The following MTUS1 variants were observed in gnomAD, a reference collection of about 807,000 sequenced individuals.
The protein encoded by MTUS1 is microtubule-associated tumor suppressor 1.
In MTUS1, 109 loss-of-function variants were observed where a neutral mutation model predicts 120.8. The observed-to-expected ratio is 0.90, with a 90% confidence interval of 0.77 to 1.06. The LOEUF (loss-of-function observed/expected upper bound fraction) is 1.06, where lower values mean the gene tolerates loss of function less well. MTUS1 is among the 50% of genes least tolerant of loss of function. The probability of loss-of-function intolerance (pLI) is 0.00; values close to 1 mark genes in which losing one functional copy is unlikely to be tolerated. For missense variants in MTUS1, 2,210 were observed against 1,486.3 expected (o/e 1.49, Z -8.01); for synonymous variants, 737 against 550.5 (o/e 1.34, Z -4.74).
chr8:17,799,071 C>G (rs1397092234), intron 1 of MTUS1, among the ~76,000 whole-genome samples: 1 of 151,456 alleles, frequency 6.6e-6, no homozygotes, highest in Non-Finnish European at 1.5e-5. Context: ...AATACGGTAA[C>G]ACCAGTATTC....
chr8:17,801,149 C>A (rs955966568), upstream of MTUS1, among the ~76,000 whole-genome samples: 1 of 151,736 alleles, frequency 6.6e-6, no homozygotes, highest in Non-Finnish European at 1.5e-5. Context: ...CGCCGAGAAC[C>A]CGCCCCGGAG....
chr8:17,656,144 C>T, intron 8 of MTUS1, 79 bp from the exon 9 acceptor site: 2 of 1,273,740 alleles, frequency 1.6e-6, no homozygotes, highest in Non-Finnish European at 2.3e-6. Context: ...TCACACACAG[C>T]TGTGATGACA....
chr8:17,801,015 C>G (rs1703123508), intron 1 of MTUS1, 46 bp downstream of exon 1: 1 of 152,376 alleles, frequency 6.6e-6, no homozygotes. Context: ...GTCCCCTCCC[C>G]ACCCCGGCCG....
chr8:17,753,634 C>T, intron 2 of MTUS1, 83 bp downstream of exon 2: 6 of 914,498 alleles, frequency 6.6e-6, no homozygotes, highest in Non-Finnish European at 9.7e-6. Context: ...ATATTATTGA[C>T]TAATAGATAA....
At chr8:17,761,207 G>A (rs2049013637) in intron 1 of MTUS1, among the ~76,000 whole-genome samples, 1 of 151,998 alleles carries the variant, frequency 6.6e-6, no homozygotes, top group Non-Finnish European at 1.5e-5. Context: ...CAAGCTTTGA[G>A]GTATAATTCC....
At chr8:17,759,385 T>A (rs2048868380) in intron 1 of MTUS1, among the ~76,000 whole-genome samples, 1 of 151,470 alleles carries the variant, frequency 6.6e-6, no homozygotes. Context: ...CACCTCAGCC[T>A]CCCGAGTAGC....
At chr8:17,676,519 T>G in intron 7 of MTUS1, 2 of 588,492 alleles carry the variant, frequency 3.4e-6, no homozygotes, top group South Asian at 4.2e-5. Context: ...TCACAGAAGC[T>G]GATACTGCAG....
intron 1 of MTUS1, among the ~76,000 whole-genome samples, chr8:17,769,903 CACACACACACACACACACACACACG>C (rs999682081): frequency 8.2e-6 from 1 of 122,450 alleles, no homozygotes; most frequent in South Asian, 4.1e-4. Context: ...CACACACACA[CACACACACACACACACACACACACG>C]GGGGGGGTTG....
intron 13 of MTUS1, among the ~76,000 whole-genome samples, chr8:17,648,563 T>C (rs1430713841): frequency 6.6e-6 from 1 of 152,226 alleles, no homozygotes; most frequent in Non-Finnish European, 1.5e-5. Flanking sequence ...GTATGTATAC[T>C]AGGTTGGCCC....
At chr8:17,678,842 C>T (rs929264135) in intron 7 of MTUS1, among the ~76,000 whole-genome samples, 7 of 151,808 alleles carry the variant, frequency 4.6e-5, no homozygotes, top group African/African-American at 1.7e-4. Context: ...AGAAAGCCAC[C>T]CAATAGACCC....
chr8:17,670,005 A>G (rs1055028735), intron 8 of MTUS1, among the ~76,000 whole-genome samples: 1 of 152,212 alleles, frequency 6.6e-6, no homozygotes, highest in African/African-American at 2.4e-5. Flanking sequence ...GTGGGACTTA[A>G]AACAGCAGCA....
rs762482493 is a variant in MTUS1, at chr8:17,754,387, A to G, written c.1421T>C (p.Leu474Pro). Residue 474 changes from leucine (L) to proline (P), a missense_variant, in exon 2 of 15, where the codon CTG becomes CCG. Physicochemically the swap from Leu to Pro is moderately conservative, Grantham distance 98 (BLOSUM62 -3). Transcript: ENST00000693296. ...TGATTTTCCTAAACTGGGTTTACAC[A>G]GGTTCACAGGTGCCTCCTTCGAGTC... is the stretch of plus-strand genomic sequence containing the variant. The part of the protein sequence containing the change: ...IPDSKEAPVN[L>P]CKPSLGKSTI... 6.2e-7 allele frequency: 1 copy of G among 1,614,054 alleles called. No individual in the cohort carries two copies. The highest frequency in any genetic ancestry group is 1.3e-5 in the African/African-American group (1 of 74,924).
At chr8:17,742,942 A>G (rs1334956170) in intron 3 of MTUS1, among the ~76,000 whole-genome samples, 2 of 152,190 alleles carry the variant, frequency 1.3e-5, no homozygotes, top group African/African-American at 4.8e-5. Context: ...AGATGTTCTC[A>G]GTCAATTGGA....
chr8:17,798,207 G>T (rs78632251), intron 1 of MTUS1, among the ~76,000 whole-genome samples: 74 of 152,260 alleles, frequency 4.9e-4, no homozygotes, highest in African/African-American at 1.7e-3. Context: ...AAAGGATGTT[G>T]TTCCTAATAG....
intron 14 of MTUS1, 62 bp from the exon 15 acceptor site, chr8:17,646,201 T>G: frequency 6.9e-7 from 1 of 1,457,506 alleles, no homozygotes; most frequent in Non-Finnish European, 9.1e-7. Flanking sequence ...TTGAAAAATT[T>G]TTCTTAGCGT....
At chr8:17,736,594 GT>G (rs201155999) in intron 3 of MTUS1, among the ~76,000 whole-genome samples, 4 of 151,428 alleles carry the variant, frequency 2.6e-5, no homozygotes, top group Non-Finnish European at 4.4e-5. Context: ...TTTTTTGCTT[GT>G]TTTTTTTGAG....
intron 2 of MTUS1, among the ~76,000 whole-genome samples, chr8:17,747,838 G>A (rs2047887510): frequency 6.6e-6 from 1 of 152,138 alleles, no homozygotes; most frequent in South Asian, 2.1e-4. Context: ...CGTGGCTGGG[G>A]AAGCCTCACA....
chr8:17,667,681 A>T (rs1419461186), intron 8 of MTUS1, among the ~76,000 whole-genome samples: 1 of 152,252 alleles, frequency 6.6e-6, no homozygotes, highest in Non-Finnish European at 1.5e-5. Flanking sequence ...ATAGTTTTCC[A>T]ATCTTTTAAA....
intron 8 of MTUS1, among the ~76,000 whole-genome samples, chr8:17,666,472 C>T (rs1174607887): frequency 6.6e-6 from 1 of 152,050 alleles, no homozygotes; most frequent in Non-Finnish European, 1.5e-5. Flanking sequence ...TCTTACTATG[C>T]TTGAGATATG....
Sources: gnomAD v4.1 joint callset for allele counts (sites outside exome capture counted in the v4.1 genomes callset) on GRCh38, gnomAD v4.1.1 for gene constraint, MANE v1.5 for transcripts, NCBI Gene and HGNC (gene_info 2026-07-23, HGNC 2026-07-21) for gene names.